The following NELL1 variants were observed in gnomAD, a reference collection of about 807,000 sequenced individuals.
NELL1 encodes the protein protein kinase C-binding protein NELL1.
In NELL1, 76 loss-of-function variants were observed where a neutral mutation model predicts 107.4. The ratio of observed to expected loss-of-function variants is 0.71; its 90% CI spans 0.59 to 0.86. The LOEUF (loss-of-function observed/expected upper bound fraction) is 0.86. NELL1 is among the 40% of genes least tolerant of loss of function. The probability of loss-of-function intolerance (pLI) is 0.00; values close to 1 mark genes in which losing one functional copy is unlikely to be tolerated. For missense variants in NELL1, 1,024 were observed against 1,005.5 expected (o/e 1.02, Z -0.25); for synonymous variants, 353 against 341.2 (o/e 1.03, Z -0.38).
intron 14 of NELL1, among the ~76,000 whole-genome samples, chr11:21,327,853 G>A (rs186341247): frequency 6.6e-6 from 1 of 152,248 alleles, no homozygotes; most frequent in Admixed American, 6.5e-5. Flanking sequence ...TATGCAAAGA[G>A]ACTGGTGGCA....
intron 12 of NELL1, among the ~76,000 whole-genome samples, chr11:21,004,195 G>A (rs570345725): frequency 4.7e-4 from 72 of 152,206 alleles, no homozygotes; most frequent in South Asian, 1.0e-3. Context: ...GTGAGTTTGA[G>A]TGGCGGGGAA....
chr11:21,305,113 T>A (rs1007724164), intron 14 of NELL1, among the ~76,000 whole-genome samples: 1 of 151,942 alleles, frequency 6.6e-6, no homozygotes, highest in African/African-American at 2.4e-5. Context: ...TGGACCAAAA[T>A]TCTAGGAGTG....
At chr11:21,276,828 G>A (rs1232526560) in intron 14 of NELL1, among the ~76,000 whole-genome samples, 3 of 152,144 alleles carry the variant, frequency 2.0e-5, no homozygotes, top group Admixed American at 6.5e-5. Flanking sequence ...ATGGCGCTGG[G>A]GAAACTGGCT....
intron 15 of NELL1, among the ~76,000 whole-genome samples, chr11:21,457,144 G>T: frequency 6.6e-6 from 1 of 152,148 alleles, no homozygotes; most frequent in East Asian, 1.9e-4. Context: ...AGAAAGAATG[G>T]CCAGTTCTAC....
intron 4 of NELL1, among the ~76,000 whole-genome samples, chr11:20,852,869 T>A (rs1025861189): frequency 6.6e-6 from 1 of 152,184 alleles, no homozygotes; most frequent in Non-Finnish European, 1.5e-5. Flanking sequence ...TAGGACATAT[T>A]CATGTGTAAA....
chr11:21,306,309 A>G (rs1346834108), intron 14 of NELL1, among the ~76,000 whole-genome samples: 1 of 152,028 alleles, frequency 6.6e-6, no homozygotes, highest in African/African-American at 2.4e-5. Flanking sequence ...GAGTGGATCA[A>G]TTAAATGGAA....
At chr11:21,311,323 T>A (rs1255884301) in intron 14 of NELL1, among the ~76,000 whole-genome samples, 1 of 152,154 alleles carries the variant, frequency 6.6e-6, no homozygotes. Context: ...TACTGATAGG[T>A]AGGTTTAATT....
At chr11:20,997,588 T>G (rs1024425985) in intron 12 of NELL1, among the ~76,000 whole-genome samples, 1 of 152,202 alleles carries the variant, frequency 6.6e-6, no homozygotes, top group African/African-American at 2.4e-5. Context: ...ATATAAGATG[T>G]TAATATAAGG....
chr11:21,481,374 A>T (rs932213036), intron 15 of NELL1, among the ~76,000 whole-genome samples: 1 of 152,156 alleles, frequency 6.6e-6, no homozygotes, highest in African/African-American at 2.4e-5. Flanking sequence ...TTCCTCTGAG[A>T]AAGGGTTAGA....
At chr11:21,417,175 T>C (rs1852538515) in intron 15 of NELL1, among the ~76,000 whole-genome samples, 1 of 152,038 alleles carries the variant, frequency 6.6e-6, no homozygotes, top group Non-Finnish European at 1.5e-5. Context: ...TGCTGCTGCT[T>C]CTTGTTCTTG....
At chr11:20,755,550 GTT>G (rs1226891368) in intron 2 of NELL1, among the ~76,000 whole-genome samples, 28 of 114,566 alleles carry the variant, frequency 2.4e-4, no homozygotes, top group African/African-American at 1.2e-3. Context: ...GTTTTTTTTT[GTT>G]TTTGTTTTTG....
intron 12 of NELL1, among the ~76,000 whole-genome samples, chr11:21,030,552 C>T (rs900749903): frequency 1.3e-5 from 2 of 151,636 alleles, no homozygotes; most frequent in African/African-American, 4.8e-5. Flanking sequence ...CAGGCCATTG[C>T]CTCATATAAT....
At chr11:20,876,020 G>T (rs1849298193) in intron 4 of NELL1, among the ~76,000 whole-genome samples, 1 of 152,290 alleles carries the variant, frequency 6.6e-6, no homozygotes, top group South Asian at 2.1e-4. Flanking sequence ...CACAGTGTTT[G>T]CTGATCTCAT....
chr11:21,045,836 A>G (rs769590563), intron 12 of NELL1, among the ~76,000 whole-genome samples: 12 of 152,288 alleles, frequency 7.9e-5, no homozygotes, highest in South Asian at 4.1e-4. Context: ...TTAGTCATAA[A>G]TGCCTTTCCA....
At chr11:21,102,135 G>A (rs1362135803) in intron 12 of NELL1, among the ~76,000 whole-genome samples, 3 of 152,200 alleles carry the variant, frequency 2.0e-5, no homozygotes, top group South Asian at 4.1e-4. Flanking sequence ...TGACTGGCAT[G>A]AGCCACCACA....
chr11:20,847,788 C>A, intron 4 of NELL1, 35 bp downstream of exon 4: 1 of 1,564,216 alleles, frequency 6.4e-7, no homozygotes, highest in Non-Finnish European at 8.7e-7. Flanking sequence ...CTGATTCTGC[C>A]CTTGAAATCA....
intron 14 of NELL1, among the ~76,000 whole-genome samples, chr11:21,292,312 T>G (rs1243736985): frequency 6.6e-6 from 1 of 152,060 alleles, no homozygotes; most frequent in Non-Finnish European, 1.5e-5. Context: ...AAATCATGAG[T>G]CAACTCCTAT....
chr11:21,023,203 C>T (rs1037704248), intron 12 of NELL1, among the ~76,000 whole-genome samples: 2 of 152,142 alleles, frequency 1.3e-5, no homozygotes, highest in African/African-American at 4.8e-5. Context: ...AAAATGTCAG[C>T]GGTTAAGTTC....
In NELL1 at chr11:21,433,222, G is replaced by GAAAAT. The variant is rs540537794; in HGVS notation, c.1645+62274_1645+62275insAAAAT. ...ACAAATGACAGGATTTCATTGTTAT[G>GAAAAT]GCTAAATAGTATTCCATTGTGTATA... is the stretch of plus-strand genomic sequence containing the variant. On this transcript the variant is annotated intron_variant, in intron 15 of 19. Coordinates refer to ENST00000357134, the MANE Select transcript of NELL1 (RefSeq NM_006157.5). Among the ~76,000 whole-genome samples, 39 of 152,206 alleles carry GAAAAT rather than the reference G, an allele frequency of 2.6e-4. No homozygotes were observed. The South Asian group carries it at 8.1e-3, about 32-fold the overall frequency.
Sources: allele counts gnomAD v4.1 joint callset (sites outside exome capture counted in the v4.1 genomes callset), GRCh38; gene constraint gnomAD v4.1.1; transcripts MANE v1.5; gene names NCBI Gene and HGNC (gene_info 2026-07-23, HGNC 2026-07-21).